Variants in CREB5 observed in about 807,000 individuals in gnomAD.
CREB5 encodes cAMP responsive element binding protein 5.
CREB5 carries 19 observed loss-of-function variants against 57.1 expected under a neutral mutation model. The observed-to-expected ratio is 0.33, with a 90% CI of 0.23 to 0.49. CREB5 has a LOEUF of 0.49. Among genes scored for constraint, CREB5 ranks in the 20% least tolerant of loss-of-function variants. The pLI is 0.99. For synonymous variants in CREB5, 238 were observed against 238.3 expected (o/e 1.00, Z 0.01); for missense variants, 579 against 671.6 (o/e 0.86, Z 1.52).
At chr7:28,350,313 C>T (rs1562669214) in intron 1 of CREB5, among the ~76,000 whole-genome samples, 1 of 152,164 alleles carries the variant, frequency 6.6e-6, no homozygotes, top group Non-Finnish European at 1.5e-5. Flanking sequence ...GGGAAGCTAC[C>T]TCAGTAGAGG....
chr7:28,747,666 C>T (rs1480052250), intron 7 of CREB5, among the ~76,000 whole-genome samples: 3 of 152,048 alleles, frequency 2.0e-5, no homozygotes, highest in African/African-American at 7.2e-5. Flanking sequence ...GTTTTTTTTC[C>T]AGTCTCTCCC....
At chr7:28,524,085 T>G (rs1727553783) in intron 4 of CREB5, among the ~76,000 whole-genome samples, 1 of 152,144 alleles carries the variant, frequency 6.6e-6, no homozygotes, top group African/African-American at 2.4e-5. Context: ...CTGAACAAGA[T>G]TACATCACTT....
intron 1 of CREB5, among the ~76,000 whole-genome samples, chr7:28,302,545 C>A (rs1212658364): frequency 6.6e-6 from 1 of 152,104 alleles, no homozygotes; most frequent in Non-Finnish European, 1.5e-5. Context: ...TGAATCCAAT[C>A]CCTTCATTTT....
intron 2 of CREB5, chr7:28,491,229 T>C: frequency 1.0e-6 from 1 of 984,398 alleles, no homozygotes; most frequent in Non-Finnish European, 1.2e-6. Flanking sequence ...CGAGCTGGAG[T>C]TTGTCAAGAA....
chr7:28,419,199 A>G (rs1295750908), intron 1 of CREB5, among the ~76,000 whole-genome samples: 2 of 152,220 alleles, frequency 1.3e-5, no homozygotes, highest in Admixed American at 6.5e-5. Context: ...AATGAGATTA[A>G]TGATGTAAGT....
chr7:28,676,787 C>G (rs1176608844), intron 5 of CREB5, among the ~76,000 whole-genome samples: 1 of 152,170 alleles, frequency 6.6e-6, no homozygotes, highest in Non-Finnish European at 1.5e-5. Flanking sequence ...TATCCCTTCC[C>G]CCATCCCAGC....
chr7:28,418,210 C>T (rs780351858), intron 1 of CREB5, among the ~76,000 whole-genome samples: 2 of 152,110 alleles, frequency 1.3e-5, no homozygotes, highest in African/African-American at 4.8e-5. Flanking sequence ...GTTATAACCT[C>T]CTAGACTTAA....
At chr7:28,497,647 G>C (rs1224128615) in intron 3 of CREB5, among the ~76,000 whole-genome samples, 1 of 152,200 alleles carries the variant, frequency 6.6e-6, no homozygotes, top group African/African-American at 2.4e-5. Context: ...TACTGGAAGG[G>C]AATGCAGAGC....
At chr7:28,760,786 T>C (rs1477791521) in intron 7 of CREB5, among the ~76,000 whole-genome samples, 1 of 152,218 alleles carries the variant, frequency 6.6e-6, no homozygotes, top group African/African-American at 2.4e-5. Context: ...TTCACAGTAA[T>C]GTCTCTGTGA....
chr7:28,551,227 A>G (rs1794630185), intron 4 of CREB5, among the ~76,000 whole-genome samples: 1 of 152,148 alleles, frequency 6.6e-6, no homozygotes, highest in Non-Finnish European at 1.5e-5. Flanking sequence ...ATTAAACCCT[A>G]TAGGATTATG....
At chr7:28,454,311 A>C (rs1327090539) in intron 1 of CREB5, among the ~76,000 whole-genome samples, 2 of 152,126 alleles carry the variant, frequency 1.3e-5, no homozygotes, top group Non-Finnish European at 2.9e-5. Context: ...ATTCCTGTCC[A>C]ACATGCCCTC....
chr7:28,558,821 G>A (rs548084392), intron 4 of CREB5, among the ~76,000 whole-genome samples: 3 of 152,284 alleles, frequency 2.0e-5, no homozygotes, highest in African/African-American at 4.8e-5. Context: ...AAATGCTGAA[G>A]AAATAGACCC....
chr7:28,426,462 A>G (rs1001436176), intron 1 of CREB5, among the ~76,000 whole-genome samples: 1 of 152,202 alleles, frequency 6.6e-6, no homozygotes, highest in African/African-American at 2.4e-5. Flanking sequence ...ACATCCTTGT[A>G]GGTGTACTCC....
intron 1 of CREB5, among the ~76,000 whole-genome samples, chr7:28,453,816 G>A (rs969786882): frequency 3.9e-5 from 6 of 152,192 alleles, no homozygotes; most frequent in South Asian, 2.1e-4. Context: ...AGGGCATTGC[G>A]ATGAAACAAA....
At chr7:28,474,027 C>T (rs1790949126) in intron 1 of CREB5, among the ~76,000 whole-genome samples, 1 of 152,180 alleles carries the variant, frequency 6.6e-6, no homozygotes. Flanking sequence ...TTACCTTACT[C>T]CACTGACTCT....
chr7:28,677,189 C>T (rs1034256582), intron 5 of CREB5, among the ~76,000 whole-genome samples: 6 of 152,090 alleles, frequency 3.9e-5, no homozygotes, highest in East Asian at 1.9e-4. Context: ...TTTTCATTTA[C>T]GTTATCAACT....
intron 5 of CREB5, among the ~76,000 whole-genome samples, chr7:28,704,450 C>T (rs1393846998): frequency 7.2e-5 from 11 of 152,008 alleles, no homozygotes; most frequent in Admixed American, 7.2e-4. Flanking sequence ...TGTTGCTTCC[C>T]TGAAATAAAT....
chr7:28,360,498 A>T (rs1786452681), intron 1 of CREB5, among the ~76,000 whole-genome samples: 1 of 152,208 alleles, frequency 6.6e-6, no homozygotes, highest in African/African-American at 2.4e-5. Context: ...AGATTCACTT[A>T]TATGTTGAAT....
At chr7:28,564,654 A>T (rs1381286261) in intron 4 of CREB5, among the ~76,000 whole-genome samples, 2 of 152,230 alleles carry the variant, frequency 1.3e-5, no homozygotes, top group Non-Finnish European at 2.9e-5. Context: ...GTCAAAGGAC[A>T]TGCTGAGAAA....
Sources: allele counts gnomAD v4.1 joint callset (sites outside exome capture counted in the v4.1 genomes callset), GRCh38; gene constraint gnomAD v4.1.1; transcripts MANE v1.5; gene names NCBI Gene and HGNC (gene_info 2026-07-23, HGNC 2026-07-21).